PDCD6IP: variants seen among roughly 807,000 people sequenced by gnomAD.
The protein encoded by PDCD6IP is programmed cell death 6-interacting protein.
PDCD6IP carries 43 observed loss-of-function variants against 103.7 expected under a neutral mutation model. That is an observed-to-expected ratio of 0.41 (90% confidence interval 0.32 to 0.53). The LOEUF is 0.53. PDCD6IP is among the 20% of genes least tolerant of loss of function. The pLI is 0.16. For synonymous variants in PDCD6IP, 354 were observed against 378.7 expected (o/e 0.93, Z 0.76); for missense variants, 871 against 1,036.7 (o/e 0.84, Z 2.20).
chr3:33,862,781 C>T (rs1697981790), intron 15 of PDCD6IP, among the ~76,000 whole-genome samples: 4 of 152,150 alleles, frequency 2.6e-5, no homozygotes, highest in Admixed American at 2.0e-4. Flanking sequence ...AGCTACATAA[C>T]TATGAGTCAC....
chr3:33,803,129 A>C (rs965641123), intron 1 of PDCD6IP, among the ~76,000 whole-genome samples: 2 of 151,696 alleles, frequency 1.3e-5, no homozygotes, highest in Non-Finnish European at 2.9e-5. Context: ...TACATTTTTA[A>C]ATTCTTGTTT....
chr3:33,827,162 T>G, intron 6 of PDCD6IP: 1 of 984,356 alleles, frequency 1.0e-6, no homozygotes, highest in Non-Finnish European at 1.2e-6. Flanking sequence ...TAAACCTTTC[T>G]GAAGTGACAA....
chr3:33,845,797 A>C (rs1252795859), intron 12 of PDCD6IP, among the ~76,000 whole-genome samples: 3 of 152,224 alleles, frequency 2.0e-5, no homozygotes, highest in Admixed American at 2.0e-4. Context: ...CCATTTATTG[A>C]ATGCCCTTTT....
At chr3:33,830,147 T>G (rs1697215111) in intron 7 of PDCD6IP, among the ~76,000 whole-genome samples, 1 of 152,136 alleles carries the variant, frequency 6.6e-6, no homozygotes, top group Non-Finnish European at 1.5e-5. Flanking sequence ...TTTAGGAGGT[T>G]CAGATTAATT....
At position 33,866,264 on chromosome 3, in the gene PDCD6IP, C is replaced by A. The variant is rs1698062030; in HGVS notation, c.2433-87C>A. 6.9e-6 allele frequency: 6 copies of A among 872,560 alleles called. No homozygotes were observed. In the East Asian group the frequency reaches 1.7e-4, roughly 25 times the overall value. The allele number at this position is 872,560 out of a possible 1,614,324, so 54.1% of individuals were successfully genotyped here. A position where few individuals can be genotyped will look rare whatever the true frequency, so the allele number is the denominator to read the frequency against. On this transcript the variant is annotated intron_variant, in intron 17 of 17. Transcript: ENST00000307296. Reference sequence around the variant, plus strand: ...TAGACTAAAAAATAGAAATGACTTTCATGAAAAACGTAGTTCTAGAATGAT... The same window carrying A: ...TAGACTAAAAAATAGAAATGACTTTAATGAAAAACGTAGTTCTAGAATGAT...
chr3:33,828,790 C>G (rs375207828), intron 6 of PDCD6IP, 63 bp from the exon 7 acceptor site: 1 of 1,587,940 alleles, frequency 6.3e-7, no homozygotes, highest in South Asian at 1.1e-5. Context: ...CTTCCTGCAT[C>G]CCATGTTGTC....
At chr3:33,821,878 A>T (rs1189339670) in intron 3 of PDCD6IP, 77 bp from the exon 4 acceptor site, 1 of 1,375,242 alleles carries the variant, frequency 7.3e-7, no homozygotes, top group African/African-American at 1.4e-5. Context: ...GAGAGAGGTC[A>T]TAGTATTTCT....
chr3:33,843,053 T>C (rs938519063), intron 10 of PDCD6IP, among the ~76,000 whole-genome samples: 1 of 152,268 alleles, frequency 6.6e-6, no homozygotes. Context: ...CTTTTAATTA[T>C]AGTAGTAATT....
Position 33,842,048 on chromosome 3 carries a change from C to T in PDCD6IP, c.1333C>T (p.Gln445Ter). ...GATTAAAGAACTGCCTGAATTACTG[C>T]AACGAAATAGAGAAATCCTAGATGA... Reference protein sequence around the residue: ...QLIKELPELLQRNREILDESL... With the variant: ...QLIKELPELL The change falls in exon 10 of 18, where the codon CAA becomes TAA. Residue 445 changes from glutamine (Q) to a stop codon, truncating the protein, a stop_gained. Coordinates refer to ENST00000307296, the MANE Select transcript of PDCD6IP (RefSeq NM_013374.6). LOFTEE classifies it high-confidence loss of function. 3 of 1,612,568 alleles carry T rather than the reference C, an allele frequency of 1.9e-6. No individual in the cohort carries two copies. The highest frequency in any genetic ancestry group is 2.5e-6 in the Non-Finnish European group (3 of 1,179,072).
At chr3:33,801,442 G>A (rs1696474324) in intron 1 of PDCD6IP, among the ~76,000 whole-genome samples, 1 of 152,058 alleles carries the variant, frequency 6.6e-6, no homozygotes, top group Non-Finnish European at 1.5e-5. Context: ...TAACTTGTAG[G>A]TGTTCTATTA....
chr3:33,840,677 C>T (rs116821888), intron 9 of PDCD6IP, among the ~76,000 whole-genome samples: 9,336 of 147,406 alleles, frequency 0.063, 350 homozygotes, highest in Non-Finnish European at 0.09. Flanking sequence ...CCTCCCTTCG[C>T]CATCATGTAA....
rs887657724 is a variant in PDCD6IP at position 33,829,024 on chromosome 3, T to TC, written c.834+57dup. 5 of 1,419,576 alleles carry TC rather than the reference T, an allele frequency of 3.5e-6. No homozygotes were observed. In the African/African-American group the frequency reaches 7.2e-5, roughly 21 times the overall value. The allele number at this position is 1,419,576 out of a possible 1,614,324, so 87.9% of individuals were successfully genotyped here. A position where few individuals can be genotyped will look rare whatever the true frequency, so the allele number is the denominator to read the frequency against. On this transcript the variant is annotated intron_variant, in intron 7 of 17. Coordinates refer to ENST00000307296, the MANE Select transcript of PDCD6IP (RefSeq NM_013374.6). Reference sequence around the variant, plus strand: ...AACTAACTTGGATCTCTCTTTTTTTTCCTAGTGAGATTTCCAAGTTTGCCC... The same window carrying TC: ...AACTAACTTGGATCTCTCTTTTTTTTCCCTAGTGAGATTTCCAAGTTTGCCC...
At chr3:33,816,459 T>G (rs1307188170) in intron 3 of PDCD6IP, among the ~76,000 whole-genome samples, 1 of 147,438 alleles carries the variant, frequency 6.8e-6, no homozygotes, top group East Asian at 2.0e-4. Flanking sequence ...GAGCTGAGAT[T>G]GTGCCATTGC....
chr3:33,810,943 A>G (rs999953218), intron 1 of PDCD6IP: 1 of 167,544 alleles, frequency 6.0e-6, no homozygotes, highest in Admixed American at 6.4e-5. Context: ...GCTGGAGTAC[A>G]GTGGCGCTGT....
At chr3:33,825,067 A>G (rs1697086533) in intron 4 of PDCD6IP, 120 bp from the exon 5 acceptor site, 1 of 846,888 alleles carries the variant, frequency 1.2e-6, no homozygotes, top group Admixed American at 2.5e-5. Flanking sequence ...TTTGCATAAT[A>G]TAAAAATTTA....
chr3:33,851,833 G>A (rs1697720782), intron 12 of PDCD6IP, among the ~76,000 whole-genome samples: 1 of 152,114 alleles, frequency 6.6e-6, no homozygotes, highest in Non-Finnish European at 1.5e-5. Flanking sequence ...TAAAATAAAT[G>A]TGGTATATAC....
At chr3:33,833,753 C>T (rs1309544089) in intron 7 of PDCD6IP, among the ~76,000 whole-genome samples, 1 of 152,072 alleles carries the variant, frequency 6.6e-6, no homozygotes, top group Non-Finnish European at 1.5e-5. Flanking sequence ...TGCTTGTTTT[C>T]AGTTTTTTCC....
At chr3:33,823,304 T>G (rs980402004) in intron 4 of PDCD6IP, among the ~76,000 whole-genome samples, 7 of 152,190 alleles carry the variant, frequency 4.6e-5, no homozygotes, top group Non-Finnish European at 2.9e-5. Flanking sequence ...GTAGTCTGCT[T>G]TTTCCCGTTG....
At chr3:33,822,347 A>G (rs1410449139) in intron 4 of PDCD6IP, among the ~76,000 whole-genome samples, 1 of 152,208 alleles carries the variant, frequency 6.6e-6, no homozygotes, top group Non-Finnish European at 1.5e-5. Flanking sequence ...GGTTGAAGAA[A>G]TTATGAAATG....
Sources: gnomAD v4.1 joint callset for allele counts (sites outside exome capture counted in the v4.1 genomes callset) on GRCh38, gnomAD v4.1.1 for gene constraint, MANE v1.5 for transcripts, NCBI Gene and HGNC (gene_info 2026-07-23, HGNC 2026-07-21) for gene names.